Variants in TLK1 observed in about 807,000 individuals in gnomAD.
The protein encoded by TLK1 is tousled like kinase 1.
TLK1 carries 24 observed loss-of-function variants against 105.3 expected under a neutral mutation model. The ratio of observed to expected loss-of-function variants is 0.23; its 90% CI spans 0.17 to 0.32. The LOEUF (loss-of-function observed/expected upper bound fraction) is 0.32, where lower values mean the gene tolerates loss of function less well. TLK1 is among the 10% of genes least tolerant of loss of function. TLK1 has a pLI of 1.00. For synonymous variants in TLK1, 321 were observed against 310.4 expected, an observed-to-expected ratio of 1.03 and a Z score of -0.36; for missense variants, 558 against 910.5, an observed-to-expected ratio of 0.61 and a Z score of 4.98.
At chr2:171,150,116 T>C (rs949989557) in intron 1 of TLK1, among the ~76,000 whole-genome samples, 24 of 152,182 alleles carry the variant, frequency 1.6e-4, no homozygotes, top group African/African-American at 5.6e-4. Context: ...CAGTACAGTA[T>C]TTCTAAGATG....
chr2:171,184,738 C>T (rs933264545), intron 1 of TLK1, among the ~76,000 whole-genome samples: 3 of 151,964 alleles, frequency 2.0e-5, no homozygotes, highest in African/African-American at 2.4e-5. Flanking sequence ...AAAATGTCAT[C>T]CTTACTGTAT....
chr2:171,044,171 C>T (rs866679281), intron 11 of TLK1, among the ~76,000 whole-genome samples: 1 of 152,096 alleles, frequency 6.6e-6, no homozygotes, highest in South Asian at 2.1e-4. Context: ...CCTGTGATCC[C>T]AGCACTTTGG....
chr2:171,048,061 G>A lies in TLK1; in HGVS notation c.981-1699C>T, dbSNP rs192724229. 4.9e-3 allele frequency among the ~76,000 whole-genome samples: 753 copies of A among 152,270 alleles called. 6 individuals carry two copies. The highest frequency in any genetic ancestry group is 0.017 in the African/African-American group (699 of 41,534). ...CCTCCCAGGTTCAAGCAATTCTCGTGCCTCAGCCTCCCGAGTAGCTGGGAT... is the reference window on the plus strand; with the variant it reads ...CCTCCCAGGTTCAAGCAATTCTCGTACCTCAGCCTCCCGAGTAGCTGGGAT... On this transcript the variant is annotated intron_variant, in intron 10 of 20. Coordinates refer to ENST00000431350, the MANE Select transcript of TLK1 (RefSeq NM_012290.5).
chr2:171,015,227 T>C (rs1685115992), intron 12 of TLK1, among the ~76,000 whole-genome samples: 1 of 152,164 alleles, frequency 6.6e-6, no homozygotes, highest in East Asian at 1.9e-4. Flanking sequence ...ATAATGTATA[T>C]ACTGAAAGGT....
intron 3 of TLK1, among the ~76,000 whole-genome samples, chr2:171,068,658 G>A (rs1023387433): frequency 6.6e-6 from 1 of 152,146 alleles, no homozygotes; most frequent in African/African-American, 2.4e-5. Context: ...GTGATGTTAT[G>A]TATCATCAGG....
intron 3 of TLK1, among the ~76,000 whole-genome samples, chr2:171,071,017 T>C (rs1219728554): frequency 2.0e-5 from 3 of 152,250 alleles, no homozygotes; most frequent in Non-Finnish European, 4.4e-5. Context: ...ATGTCTCTGA[T>C]AAACAATGAT....
chr2:170,997,833 T>C lies in TLK1; in HGVS notation c.1905-10A>G. Reference sequence around the variant, plus strand: ...CTCAGGAGGTAAATACCTGTAAGTTTTGTGGGAGAGAAAAAAGGTTACTAC... The same window carrying C: ...CTCAGGAGGTAAATACCTGTAAGTTCTGTGGGAGAGAAAAAAGGTTACTAC... On this transcript the variant is annotated splice_polypyrimidine_tract_variant and intron_variant, in intron 18 of 20. Transcript: ENST00000431350. 6.5e-7 allele frequency: 1 copy of C among 1,545,234 alleles called. No homozygotes were observed. Among genetic ancestry groups the C allele is most frequent in the Non-Finnish European group, 8.8e-7 (1 of 1,132,832 alleles).
At chr2:171,018,904 TA>T (rs1685335403) in intron 12 of TLK1, among the ~76,000 whole-genome samples, 1 of 152,178 alleles carries the variant, frequency 6.6e-6, no homozygotes, top group Non-Finnish European at 1.5e-5. Flanking sequence ...GTTTGGCAAT[TA>T]AATACACAAT....
chr2:171,006,408 A>G (rs1390096519), intron 17 of TLK1, 66 bp downstream of exon 17: 1 of 1,496,906 alleles, frequency 6.7e-7, no homozygotes, highest in Non-Finnish European at 8.9e-7. Context: ...TTTTCAGATA[A>G]CTTAATGAAT....
At chr2:171,074,178 G>A (rs1206541637) in intron 3 of TLK1, among the ~76,000 whole-genome samples, 2 of 152,006 alleles carry the variant, frequency 1.3e-5, no homozygotes, top group Non-Finnish European at 2.9e-5. Flanking sequence ...GGCATGAGCC[G>A]CCCCTCCCGG....
intron 2 of TLK1, among the ~76,000 whole-genome samples, chr2:171,097,257 G>C (rs557304000): frequency 6.6e-6 from 1 of 152,226 alleles, no homozygotes; most frequent in South Asian, 2.1e-4. Context: ...AATGGCCTTG[G>C]GAAAACTGGT....
chr2:171,196,751 T>A (rs1014669232), intron 1 of TLK1, among the ~76,000 whole-genome samples: 17 of 152,204 alleles, frequency 1.1e-4, no homozygotes, highest in African/African-American at 3.9e-4. Context: ...GAGGCCATTG[T>A]CAGCCTGGTT....
chr2:171,132,203 A>C (rs919186328), intron 1 of TLK1, among the ~76,000 whole-genome samples: 2 of 152,214 alleles, frequency 1.3e-5, no homozygotes, highest in South Asian at 2.1e-4. Context: ...AGAGCAGCAG[A>C]AGAATGAGTG....
intron 1 of TLK1, among the ~76,000 whole-genome samples, chr2:171,145,210 AG>A (rs1226407039): frequency 6.6e-6 from 1 of 152,188 alleles, no homozygotes; most frequent in Non-Finnish European, 1.5e-5. Context: ...GGAAAGGCTG[AG>A]GCAGGAGAAT....
chr2:171,026,303 A>G (rs1038670590), intron 12 of TLK1, among the ~76,000 whole-genome samples: 1 of 152,148 alleles, frequency 6.6e-6, no homozygotes, highest in African/African-American at 2.4e-5. Context: ...TTTGGACACT[A>G]AGTATACCTT....
At chr2:171,040,993 GA>G in intron 11 of TLK1, among the ~76,000 whole-genome samples, 1 of 152,230 alleles carries the variant, frequency 6.6e-6, no homozygotes, top group Middle Eastern at 3.4e-3. Context: ...CACCCTCTGT[GA>G]AACATGCAAC....
At chr2:171,177,796 A>AT (rs941339795) in intron 1 of TLK1, among the ~76,000 whole-genome samples, 18 of 151,240 alleles carry the variant, frequency 1.2e-4, no homozygotes, top group Non-Finnish European at 2.2e-4. Context: ...ACTAACTAGC[A>AT]TTTTTTTTTC....
At chr2:171,098,817 T>C (rs911206372) in intron 2 of TLK1, among the ~76,000 whole-genome samples, 1 of 152,166 alleles carries the variant, frequency 6.6e-6, no homozygotes, top group African/African-American at 2.4e-5. Flanking sequence ...TAGTTCAACA[T>C]ACACCAGCTA....
chr2:171,115,239 T>C (rs946011813), intron 2 of TLK1, among the ~76,000 whole-genome samples: 4 of 146,840 alleles, frequency 2.7e-5, no homozygotes, highest in Non-Finnish European at 4.5e-5. Context: ...TGGCGCCATC[T>C]TGGCTCACCG....
Sources: allele counts gnomAD v4.1 joint callset (sites outside exome capture counted in the v4.1 genomes callset), GRCh38; gene constraint gnomAD v4.1.1; transcripts MANE v1.5; gene names NCBI Gene and HGNC (gene_info 2026-07-23, HGNC 2026-07-21).